The following SETD5 variants were observed in gnomAD, a reference collection of about 807,000 sequenced individuals.
The protein encoded by SETD5 is histone-lysine N-methyltransferase SETD5.
Under a neutral mutation model 153.3 loss-of-function variants are expected in SETD5, and 44 were observed. The observed-to-expected ratio is 0.29, with a 90% CI of 0.23 to 0.37. The LOEUF (loss-of-function observed/expected upper bound fraction) is 0.37. Ranked by LOEUF, SETD5 falls within the 10% of genes least tolerant of loss-of-function variation. The pLI is 1.00. For synonymous variants in SETD5, 716 were observed against 645.2 expected (o/e 1.11, Z -1.66); for missense variants, 1,544 against 1,768.0 (o/e 0.87, Z 2.27).
chr3:9,430,469 G>A, intron 3 of SETD5: 1 of 496,856 alleles, frequency 2.0e-6, no homozygotes, highest in Non-Finnish European at 2.6e-6. Flanking sequence ...CATGCAAAAG[G>A]TATTTAGTTA....
intron 17 of SETD5, among the ~76,000 whole-genome samples, chr3:9,456,945 C>G (rs2043322820): frequency 6.6e-6 from 1 of 151,914 alleles, no homozygotes; most frequent in African/African-American, 2.4e-5. Flanking sequence ...CACTGCACTC[C>G]AGCCTGGCAA....
At chr3:9,460,361 G>A (rs1441661621) in intron 17 of SETD5, among the ~76,000 whole-genome samples, 1 of 151,134 alleles carries the variant, frequency 6.6e-6, no homozygotes, top group African/African-American at 2.4e-5. Flanking sequence ...CAAAGATTAT[G>A]CCATGTTCCT....
intron 16 of SETD5, among the ~76,000 whole-genome samples, chr3:9,452,212 A>G (rs930782538): frequency 6.6e-6 from 1 of 152,142 alleles, no homozygotes; most frequent in African/African-American, 2.4e-5. Flanking sequence ...CATCTACTAG[A>G]CCCTGGAAAT....
At chr3:9,426,871 C>T (rs572163540) in intron 2 of SETD5, among the ~76,000 whole-genome samples, 2 of 152,134 alleles carry the variant, frequency 1.3e-5, no homozygotes, top group South Asian at 4.1e-4. Flanking sequence ...ATGTCACCTC[C>T]AATTGGGTGT....
chr3:9,458,953 A>T (rs565651398), intron 17 of SETD5, among the ~76,000 whole-genome samples: 6 of 152,328 alleles, frequency 3.9e-5, no homozygotes, highest in South Asian at 2.1e-4. Flanking sequence ...TAATCAAAAT[A>T]GGAACCACTG....
rs748957659 is a variant in SETD5, at chr3:9,445,164, T to C, written c.1304T>C (p.Ile435Thr). 1.7e-5 allele frequency: 27 copies of C among 1,613,836 alleles called. No individual in the cohort carries two copies. Among genetic ancestry groups the C allele is most frequent in the Admixed American group, 5.0e-5 (3 of 59,998 alleles). Reference protein sequence around the residue: ...LLPPPPSLPTIGAETRRRKAR... With the variant: ...LLPPPPSLPTTGAETRRRKAR... Reference sequence around the variant, plus strand: ...CCACCTCCTCCAAGCCTACCCACCATTGGAGCAGAGACTAGACGTAGAAAA... The same window carrying C: ...CCACCTCCTCCAAGCCTACCCACCACTGGAGCAGAGACTAGACGTAGAAAA... Residue 435 changes from isoleucine (I) to threonine (T), a missense_variant, in exon 12 of 23, where the codon ATT (isoleucine) becomes ACT (threonine). Transcript: ENST00000402198.
chr3:9,471,290 A>G (rs1575605944), intron 19 of SETD5, among the ~76,000 whole-genome samples: 1 of 152,218 alleles, frequency 6.6e-6, no homozygotes, highest in African/African-American at 2.4e-5. Context: ...TATTTTGCAC[A>G]TGAGGAAACT....
At chr3:9,473,146 C>T (rs2045505867) in intron 19 of SETD5, 90 bp from the exon 20 acceptor site, 2 of 1,435,290 alleles carry the variant, frequency 1.4e-6, no homozygotes, top group Non-Finnish European at 1.9e-6. Context: ...TACTAAGGTA[C>T]CATCTTTCCT....
At position 9,475,890 on chromosome 3, in the gene SETD5, G is replaced by A. The variant is rs1305795271; in HGVS notation, c.4128G>A (p.Gln1376=). ...TGTLSSTSFP[Q]NSRSSLPSDL... is the part of the protein sequence containing the mutation. ...CTCTGAGTTCCACCTCCTTTCCTCA[G>A]AACTCTAGGTCGTCATTGCCATCAG... The change falls in exon 23 of 23, where the codon CAG becomes CAA. Residue 1376 remains glutamine, a synonymous_variant. Coordinates refer to ENST00000402198, the MANE Select transcript of SETD5 (RefSeq NM_001080517.3). 1 of 1,613,998 alleles carries A rather than the reference G, an allele frequency of 6.2e-7. No individual in the cohort carries two copies. The highest frequency in any genetic ancestry group is 8.5e-7 in the Non-Finnish European group (1 of 1,179,896).
Position 9,470,439 on chromosome 3 carries a change from G to A in SETD5, c.2725-20G>A, listed in dbSNP as rs781524402. ...CCTTTCTCCCCTACCCCATGTCTCCGTTGATTTTTATTCTTTCAGCTTTGT... is the reference window on the plus strand; with the variant it reads ...CCTTTCTCCCCTACCCCATGTCTCCATTGATTTTTATTCTTTCAGCTTTGT... On this transcript the variant is annotated intron_variant, in intron 18 of 22. Transcript: ENST00000402198. 48 of 1,593,280 alleles carry A rather than the reference G, an allele frequency of 3.0e-5. No individual in the cohort carries two copies. Among genetic ancestry groups the A allele is most frequent in the East Asian group, 2.2e-4 (10 of 44,634 alleles).
chr3:9,404,278 A>G (rs1349497356), intron 1 of SETD5, among the ~76,000 whole-genome samples: 1 of 152,182 alleles, frequency 6.6e-6, no homozygotes, highest in African/African-American at 2.4e-5. Context: ...CGTACACGTA[A>G]TATTAAGCAA....
intron 16 of SETD5, among the ~76,000 whole-genome samples, chr3:9,452,422 A>G (rs986665152): frequency 5.9e-5 from 9 of 152,176 alleles, no homozygotes; most frequent in East Asian, 3.8e-4. Context: ...GGTTCTGACA[A>G]TTCATCTTTA....
chr3:9,467,372 T>C (rs2044735155), intron 18 of SETD5, among the ~76,000 whole-genome samples: 1 of 152,024 alleles, frequency 6.6e-6, no homozygotes, highest in African/African-American at 2.4e-5. Flanking sequence ...GGAAAGCATC[T>C]AGAAAGAAGA....
At chr3:9,407,343 A>G (rs1304255480) in intron 1 of SETD5, among the ~76,000 whole-genome samples, 1 of 152,166 alleles carries the variant, frequency 6.6e-6, no homozygotes, top group Non-Finnish European at 1.5e-5. Context: ...AATAAAAAAT[A>G]AAGAAGTTAC....
At chr3:9,426,384 T>C (rs1217251624) in intron 2 of SETD5, among the ~76,000 whole-genome samples, 2 of 150,496 alleles carry the variant, frequency 1.3e-5, no homozygotes, top group African/African-American at 2.4e-5. Context: ...TACAGGTGCA[T>C]GCCACCACAC....
intron 17 of SETD5, among the ~76,000 whole-genome samples, chr3:9,456,835 G>A (rs112380819): frequency 0.075 from 11,352 of 152,014 alleles, 554 homozygotes; most frequent in Middle Eastern, 0.13. Context: ...AATTAGCTGG[G>A]CATGGTGGCA....
Position 9,475,051 on chromosome 3 carries a change from T to C in SETD5, c.3632-17T>C. ...AAGAAGCCAAGTTGATTTTTTTTTA[T>C]ATATGTTACCTTCCAGACCCTGCAG... On this transcript the variant is annotated splice_polypyrimidine_tract_variant and intron_variant, in intron 21 of 22. Transcript: ENST00000402198. 1 of 1,550,970 alleles carries C rather than the reference T, an allele frequency of 6.4e-7. No individual in the cohort carries two copies. The highest frequency in any genetic ancestry group is 8.7e-7 in the Non-Finnish European group (1 of 1,149,896).
intron 1 of SETD5, among the ~76,000 whole-genome samples, chr3:9,402,137 A>G (rs1288121568): frequency 6.6e-6 from 1 of 152,240 alleles, no homozygotes; most frequent in Non-Finnish European, 1.5e-5. Context: ...ATTTTGTTAA[A>G]TAAGTCTTAG....
intron 2 of SETD5, among the ~76,000 whole-genome samples, chr3:9,426,683 G>A (rs1014225658): frequency 4.6e-5 from 7 of 151,782 alleles, no homozygotes; most frequent in Non-Finnish European, 8.8e-5. Flanking sequence ...GTGAGCCACC[G>A]CGCCTGGCGC....
Sources: allele counts gnomAD v4.1 joint callset (sites outside exome capture counted in the v4.1 genomes callset), GRCh38; gene constraint gnomAD v4.1.1; transcripts MANE v1.5; gene names NCBI Gene and HGNC (gene_info 2026-07-23, HGNC 2026-07-21).